The following AGMO variants were observed in gnomAD, a reference collection of about 807,000 sequenced individuals.
AGMO encodes the protein glyceryl-ether monooxygenase.
AGMO carries 75 observed loss-of-function variants against 60.2 expected under a neutral mutation model. The ratio of observed to expected loss-of-function variants is 1.25; its 90% confidence interval spans 1.03 to 1.51. The LOEUF is 1.51. Ranked by LOEUF, AGMO falls within the 40% of genes most tolerant of loss-of-function variation. The pLI is 0.00. For missense variants in AGMO, 763 were observed against 525.5 expected, an observed-to-expected ratio of 1.45 and a Z score of -4.42; for synonymous variants, 261 against 177.1, an observed-to-expected ratio of 1.47 and a Z score of -3.76.
chr7:15,209,440 G>A (rs1781525005), intron 12 of AGMO, among the ~76,000 whole-genome samples: 1 of 152,080 alleles, frequency 6.6e-6, no homozygotes, highest in African/African-American at 2.4e-5. Flanking sequence ...TCACAGAGAT[G>A]TCTGGTTTTA....
intron 12 of AGMO, among the ~76,000 whole-genome samples, chr7:15,358,948 C>T (rs961495278): frequency 6.6e-6 from 1 of 152,050 alleles, no homozygotes; most frequent in African/African-American, 2.4e-5. Flanking sequence ...AGATAAATAT[C>T]CCCATATTAC....
chr7:15,308,998 G>A (rs1432569247), intron 12 of AGMO, among the ~76,000 whole-genome samples: 1 of 152,132 alleles, frequency 6.6e-6, no homozygotes, highest in East Asian at 1.9e-4. Flanking sequence ...TTAATGGTAA[G>A]CAACTTTACT....
At chr7:15,354,357 CGT>C (rs1782386215) in intron 12 of AGMO, among the ~76,000 whole-genome samples, 3 of 74,682 alleles carry the variant, frequency 4.0e-5, no homozygotes, top group African/African-American at 1.4e-4. Flanking sequence ...TGTATATAGA[CGT>C]GTGTATATAG....
chr7:15,354,433 T>TGTATACGCGC (rs1782413275), intron 12 of AGMO, among the ~76,000 whole-genome samples: 1 of 24,718 alleles, frequency 4.0e-5, no homozygotes, highest in African/African-American at 3.1e-4. Context: ...CACACACGTG[T>TGTATACGCGC]GTGTATACAC....
chr7:15,336,886 A>G (rs1781680393), intron 12 of AGMO, among the ~76,000 whole-genome samples: 1 of 152,062 alleles, frequency 6.6e-6, no homozygotes. Context: ...ACTATAGAGT[A>G]ATTTTCTCAA....
chr7:15,358,262 G>C (rs1033696775), intron 12 of AGMO: 1 of 257,484 alleles, frequency 3.9e-6, no homozygotes, highest in African/African-American at 2.3e-5. Context: ...AAAAATTGAA[G>C]AGTCTTAAGG....
chr7:15,522,244 G>A (rs968119907), intron 3 of AGMO, among the ~76,000 whole-genome samples: 7 of 152,104 alleles, frequency 4.6e-5, no homozygotes, highest in East Asian at 3.8e-4. Flanking sequence ...TGGATAGGAC[G>A]AATCAATATC....
At chr7:15,203,821 T>G (rs949560466) in intron 12 of AGMO, among the ~76,000 whole-genome samples, 1 of 152,152 alleles carries the variant, frequency 6.6e-6, no homozygotes, top group East Asian at 1.9e-4. Context: ...CAAGAAAATC[T>G]AACTGCAAAA....
intron 12 of AGMO, among the ~76,000 whole-genome samples, chr7:15,221,990 A>G (rs1172014245): frequency 1.3e-5 from 2 of 152,168 alleles, no homozygotes; most frequent in Non-Finnish European, 2.9e-5. Context: ...TAGAGTGTTT[A>G]CATAATTTTC....
intron 3 of AGMO, among the ~76,000 whole-genome samples, chr7:15,479,325 G>C (rs762590763): frequency 2.0e-5 from 3 of 152,076 alleles, no homozygotes; most frequent in Non-Finnish European, 2.9e-5. Flanking sequence ...TGAATACACA[G>C]GTGATATCAA....
At chr7:15,452,492 G>A (rs1283194393) in intron 3 of AGMO, among the ~76,000 whole-genome samples, 1 of 152,102 alleles carries the variant, frequency 6.6e-6, no homozygotes, top group East Asian at 1.9e-4. Context: ...AATGCATAAT[G>A]TCATTAGTTA....
chr7:15,553,312 A>T (rs1785028588), intron 2 of AGMO, among the ~76,000 whole-genome samples: 1 of 150,982 alleles, frequency 6.6e-6, no homozygotes, highest in African/African-American at 2.5e-5. Flanking sequence ...CCTAAAACTT[A>T]AAGTATAATA....
At chr7:15,546,628 C>G (rs1784789180) in intron 2 of AGMO, among the ~76,000 whole-genome samples, 1 of 152,174 alleles carries the variant, frequency 6.6e-6, no homozygotes, top group Admixed American at 6.5e-5. Flanking sequence ...CTGGGATGTC[C>G]ACACACAGGT....
chr7:15,329,744 TAGTC>T (rs1354273442), intron 12 of AGMO, among the ~76,000 whole-genome samples: 2 of 152,166 alleles, frequency 1.3e-5, no homozygotes, highest in Non-Finnish European at 2.9e-5. Flanking sequence ...TTAAGTAACT[TAGTC>T]AAGAGTATGG....
At chr7:15,372,741 A>G (rs897501323) in intron 10 of AGMO, among the ~76,000 whole-genome samples, 3 of 152,152 alleles carry the variant, frequency 2.0e-5, no homozygotes, top group Non-Finnish European at 4.4e-5. Context: ...TATAACAGGG[A>G]GGATTTTATT....
At chr7:15,279,635 T>C (rs1236486153) in intron 12 of AGMO, among the ~76,000 whole-genome samples, 1 of 152,106 alleles carries the variant, frequency 6.6e-6, no homozygotes, top group Non-Finnish European at 1.5e-5. Flanking sequence ...CAAGCAACAA[T>C]GCAGGAACTT....
chr7:15,334,636 T>C (rs1781596061), intron 12 of AGMO, among the ~76,000 whole-genome samples: 1 of 152,142 alleles, frequency 6.6e-6, no homozygotes, highest in Non-Finnish European at 1.5e-5. Context: ...GCTTTCTCTT[T>C]CAAAATTGCT....
At chr7:15,445,471 CT>C (rs1290174836) in intron 3 of AGMO, among the ~76,000 whole-genome samples, 1 of 152,086 alleles carries the variant, frequency 6.6e-6, no homozygotes, top group Admixed American at 6.6e-5. Flanking sequence ...GCCCATCCCC[CT>C]ATATGCTATT....
Position 15,275,843 on chromosome 7 carries a change from T to C in AGMO, c.1264-74484A>G, listed in dbSNP as rs190055286. On this transcript the variant is annotated intron_variant, in intron 12 of 12. Transcript: ENST00000342526. ...GGTTTAAAGTATGTTTTATCTGATA[T>C]AATAATGGTTATTCCTGCTTGCATT... Among the ~76,000 whole-genome samples the C allele has an allele frequency of 4.5e-4, 68 of 152,332 alleles. No individual in the cohort carries two copies. In the East Asian group the frequency reaches 5.8e-3, roughly 13 times the overall value.
Sources: allele counts gnomAD v4.1 joint callset (sites outside exome capture counted in the v4.1 genomes callset), GRCh38; gene constraint gnomAD v4.1.1; transcripts MANE v1.5; gene names NCBI Gene and HGNC (gene_info 2026-07-23, HGNC 2026-07-21).